The following NF1 variants were observed in gnomAD, a reference collection of about 807,000 sequenced individuals.
NF1 encodes neurofibromin 1.
In NF1, 122 loss-of-function variants were observed where a neutral mutation model predicts 325.7. The ratio of observed to expected loss-of-function variants is 0.37; its 90% confidence interval spans 0.32 to 0.44. The LOEUF (loss-of-function observed/expected upper bound fraction) is 0.44, where lower values mean the gene tolerates loss of function less well. Among genes scored for constraint, NF1 ranks in the 20% least tolerant of loss-of-function variants. NF1 has a pLI of 1.00. For synonymous variants in NF1, 1,091 were observed against 1,186.0 expected (o/e 0.92, Z 1.65); for missense variants, 2,140 against 3,415.4 (o/e 0.63, Z 9.31).
At chr17:31,237,924 T>A (rs773237078) in intron 29 of NF1, among the ~76,000 whole-genome samples, 2 of 152,078 alleles carry the variant, frequency 1.3e-5, no homozygotes, top group Non-Finnish European at 2.9e-5. Flanking sequence ...GTCAAGAGCT[T>A]GAAAGTCAAC....
intron 11 of NF1, among the ~76,000 whole-genome samples, chr17:31,202,160 A>T (rs1306479476): frequency 6.6e-6 from 1 of 152,168 alleles, no homozygotes; most frequent in African/African-American, 2.4e-5. Flanking sequence ...TGGACTGTGG[A>T]TTTTTAAAAT....
At chr17:31,161,724 G>A (rs945244298) in intron 3 of NF1, among the ~76,000 whole-genome samples, 3 of 152,050 alleles carry the variant, frequency 2.0e-5, no homozygotes, top group Admixed American at 2.0e-4. Context: ...AGACCATTAG[G>A]TTTAAATTTT....
At chr17:31,286,072 T>G (rs2068221762) in intron 36 of NF1, among the ~76,000 whole-genome samples, 1 of 152,160 alleles carries the variant, frequency 6.6e-6, no homozygotes, top group Non-Finnish European at 1.5e-5. Flanking sequence ...TCCTTGATCC[T>G]TTAAATAATT....
rs558219521 is a variant in NF1 at position 31,114,579 on chromosome 17, G to A, written c.60+19210G>A. Among the ~76,000 whole-genome samples the A allele has an allele frequency of 1.1e-4, 16 of 151,068 alleles. No homozygotes were observed. In the South Asian group the frequency reaches 2.1e-3, roughly 20 times the overall value. ...AAAAAAGAAAAAAAGACCATGGGCC[G>A]GACATGGTGGCTCACGCCTGTAATC... On this transcript the variant is annotated intron_variant, in intron 1 of 57. Transcript: ENST00000358273.
intron 11 of NF1, among the ~76,000 whole-genome samples, chr17:31,204,264 GT>G (rs2066581702): frequency 6.6e-6 from 1 of 152,180 alleles, no homozygotes. Context: ...CATATGGATA[GT>G]TCACATACTG....
intron 31 of NF1, chr17:31,253,844 A>G (rs1210973640): frequency 4.6e-5 from 7 of 152,210 alleles, no homozygotes; most frequent in Non-Finnish European, 8.8e-5. Context: ...CTTTGTTCAT[A>G]TAATCCAAAT....
intron 1 of NF1, among the ~76,000 whole-genome samples, chr17:31,131,293 G>A (rs1915370314): frequency 6.6e-6 from 1 of 152,164 alleles, no homozygotes; most frequent in African/African-American, 2.4e-5. Flanking sequence ...GTGGTTGAGG[G>A]GTCTCCTTGT....
At position 31,374,176 on chromosome 17, in the gene NF1, T is replaced by A. The variant is rs538082577; in HGVS notation, c.*21T>A. 2 of 1,613,922 alleles carry A rather than the reference T, an allele frequency of 1.2e-6. No individual in the cohort carries two copies. The highest frequency in any genetic ancestry group is 2.2e-5 in the East Asian group (1 of 44,880). On this transcript the variant is annotated 3_prime_UTR_variant, in exon 58 of 58. Transcript: ENST00000358273. ...TGTGAAGCTTGCTTGCTTTCTTTTT[T>A]AAAATCAACTTAACATGGGCTCTTC...
intron 36 of NF1, among the ~76,000 whole-genome samples, chr17:31,267,566 G>A (rs2067814408): frequency 6.6e-6 from 1 of 152,142 alleles, no homozygotes; most frequent in Non-Finnish European, 1.5e-5. Flanking sequence ...ACTCCATTAT[G>A]AAGGTCTTGT....
At chr17:31,245,476 A>G (rs775374347) in intron 29 of NF1, among the ~76,000 whole-genome samples, 3 of 152,194 alleles carry the variant, frequency 2.0e-5, no homozygotes, top group Non-Finnish European at 2.9e-5. Context: ...TAAGATTGCT[A>G]CCACTTCAGA....
chr17:31,152,707 C>T (rs1312549981), intron 1 of NF1, among the ~76,000 whole-genome samples: 8 of 150,554 alleles, frequency 5.3e-5, no homozygotes, highest in African/African-American at 1.7e-4. Flanking sequence ...TGTGTTATTC[C>T]ACATCTTTTG....
intron 13 of NF1, among the ~76,000 whole-genome samples, chr17:31,218,771 C>T (rs1188293121): frequency 1.3e-5 from 2 of 151,816 alleles, no homozygotes; most frequent in African/African-American, 4.8e-5. Flanking sequence ...AGAATTTCAC[C>T]ATATTGGTCA....
chr17:31,282,080 T>C (rs937602381), intron 36 of NF1, among the ~76,000 whole-genome samples: 2 of 152,020 alleles, frequency 1.3e-5, no homozygotes, highest in Admixed American at 1.3e-4. Context: ...AAAAAATCTT[T>C]TTTTTAAGTA....
At chr17:31,297,210 G>C (rs191882162) in intron 36 of NF1, 1 of 152,270 alleles carries the variant, frequency 6.6e-6, no homozygotes, top group Non-Finnish European at 1.5e-5. Context: ...CTTAAAGGTC[G>C]TCTTGTTCTG....
Position 31,230,857 on chromosome 17 carries a change from A to C in NF1, c.3129A>C (p.Glu1043Asp), listed in dbSNP as rs1597717530. 1 of 1,607,536 alleles carries C rather than the reference A, an allele frequency of 6.2e-7. No homozygotes were observed. Among genetic ancestry groups the C allele is most frequent in the South Asian group, 1.1e-5 (1 of 90,746 alleles). ...QEMKFRNKMV[E>D]YLTDWVMGTS... ...CATTCTATAGGAATAAGATGGTAGA[A>C]TACCTGACAGACTGGGTTATGGGAA... The change falls in exon 24 of 58, where the codon GAA (glutamate) becomes GAC (aspartate). Residue 1043 changes from glutamate (E) to aspartate (D), a missense_variant. Around this residue, in one of 10 missense-constraint regions of NF1, gnomAD observed 380 missense variants for 639.3 expected, o/e 0.59. Coordinates refer to ENST00000358273, the MANE Select transcript of NF1 (RefSeq NM_001042492.3).
intron 3 of NF1, among the ~76,000 whole-genome samples, chr17:31,160,084 T>C (rs1021408334): frequency 6.6e-6 from 1 of 152,074 alleles, no homozygotes; most frequent in Non-Finnish European, 1.5e-5. Context: ...AAGCATAATA[T>C]GTATATATAT....
intron 3 of NF1, among the ~76,000 whole-genome samples, chr17:31,160,843 C>T (rs1283026073): frequency 6.6e-6 from 1 of 152,086 alleles, no homozygotes; most frequent in Non-Finnish European, 1.5e-5. Context: ...TGAAGATAGC[C>T]TAATTGAAAT....
chr17:31,163,478 T>C, intron 4 of NF1, 102 bp downstream of exon 4: 1 of 1,352,618 alleles, frequency 7.4e-7, no homozygotes, highest in Non-Finnish European at 1.0e-6. Flanking sequence ...ATGAGGTTTT[T>C]TTGTTTTTGA....
rs1597609651 is a variant in NF1 at position 31,141,812 on chromosome 17, T to G, written c.61-14171T>G. ...GGGCAGGGGATGATGTACTTCCAAGTTCACTCCCATGATTGTTGGGAGGAG... is the reference window on the plus strand; with the variant it reads ...GGGCAGGGGATGATGTACTTCCAAGGTCACTCCCATGATTGTTGGGAGGAG... On this transcript the variant is annotated intron_variant, in intron 1 of 57. Coordinates refer to ENST00000358273, the MANE Select transcript of NF1 (RefSeq NM_001042492.3). Among the ~76,000 whole-genome samples, 4 of 152,192 alleles carry G rather than the reference T, an allele frequency of 2.6e-5. No individual in the cohort carries two copies. In the East Asian group the frequency reaches 7.7e-4, roughly 29 times the overall value.
Sources: gnomAD v4.1 joint callset for allele counts (sites outside exome capture counted in the v4.1 genomes callset) on GRCh38, gnomAD v4.1.1 for gene constraint, gnomAD v4.1.1 regional missense constraint, MANE v1.5 for transcripts, NCBI Gene and HGNC (gene_info 2026-07-23, HGNC 2026-07-21) for gene names.